The following GPC6 variants were observed in gnomAD, a reference collection of about 807,000 sequenced individuals.
The protein encoded by GPC6 is glypican 6, also known as glypican-6.
GPC6 carries 14 observed loss-of-function variants against 55.2 expected under a neutral mutation model. That is an observed-to-expected ratio of 0.25 (90% CI 0.17 to 0.40). GPC6 has a LOEUF of 0.40. Ranked by LOEUF, GPC6 falls within the 10% of genes least tolerant of loss-of-function variation. The pLI, the probability that GPC6 is intolerant of heterozygous loss-of-function variation, is 1.00. For synonymous variants in GPC6, 278 were observed against 259.6 expected, an observed-to-expected ratio of 1.07 and a Z score of -0.68; for missense variants, 641 against 708.5, an observed-to-expected ratio of 0.90 and a Z score of 1.08.
Position 93,777,010 on chromosome 13 carries a change from A to G in GPC6, c.320-53144A>G, listed in dbSNP as rs561338768. The stretch of plus-strand genomic sequence containing the variant: ...CCTTATCCATAGAGATATCTCTAAT[A>G]ATAAAGGATGGAACTTAAATCCACA... On this transcript the variant is annotated intron_variant, in intron 2 of 8. Transcript: ENST00000377047. 6.5e-4 allele frequency among the ~76,000 whole-genome samples: 99 copies of G among 152,280 alleles called. No homozygotes were observed. In the South Asian group the frequency reaches 0.02, roughly 30 times the overall value.
intron 4 of GPC6, among the ~76,000 whole-genome samples, chr13:94,282,299 G>A (rs894716859): frequency 6.6e-6 from 1 of 152,114 alleles, no homozygotes; most frequent in Non-Finnish European, 1.5e-5. Flanking sequence ...GGCAGAAGGG[G>A]AAGCAAACAT....
chr13:94,343,594 C>G (rs988717961), intron 6 of GPC6, among the ~76,000 whole-genome samples: 17 of 152,090 alleles, frequency 1.1e-4, no homozygotes, highest in African/African-American at 4.1e-4. Flanking sequence ...AAAATTAAGG[C>G]TAGGATTATT....
At chr13:94,298,844 G>C (rs1875487580) in intron 5 of GPC6, among the ~76,000 whole-genome samples, 1 of 152,194 alleles carries the variant, frequency 6.6e-6, no homozygotes, top group Non-Finnish European at 1.5e-5. Flanking sequence ...ATTTTGAAGA[G>C]ATAATTGATC....
At chr13:93,865,457 C>A (rs1423192457) in intron 3 of GPC6, among the ~76,000 whole-genome samples, 1 of 151,700 alleles carries the variant, frequency 6.6e-6, no homozygotes, top group Non-Finnish European at 1.5e-5. Context: ...AGACAGACAG[C>A]ACTTCGTTTA....
intron 3 of GPC6, among the ~76,000 whole-genome samples, chr13:94,024,968 G>C (rs1210859409): frequency 6.6e-6 from 1 of 152,182 alleles, no homozygotes; most frequent in African/African-American, 2.4e-5. Context: ...TACCTTATAT[G>C]ATGTGCATGT....
intron 2 of GPC6, among the ~76,000 whole-genome samples, chr13:93,829,883 T>G (rs1364421883): frequency 2.0e-5 from 3 of 152,200 alleles, no homozygotes; most frequent in Non-Finnish European, 4.4e-5. Context: ...CAAGAAATGA[T>G]TAAAGAATTG....
rs921182669 is a variant in GPC6 at position 93,385,270 on chromosome 13, G to C, written c.160+157654G>C. On this transcript the variant is annotated intron_variant, in intron 1 of 8. Transcript: ENST00000377047. Reference sequence around the variant, plus strand: ...GAGGCTGGAGGAGTGGACACCACTGGAGAAGGGGAAGGAGGGAAAGGAGAT... The same window carrying C: ...GAGGCTGGAGGAGTGGACACCACTGCAGAAGGGGAAGGAGGGAAAGGAGAT... 7.9e-5 allele frequency among the ~76,000 whole-genome samples: 12 copies of C among 152,222 alleles called. 1 individual carries two copies. The highest frequency in any genetic ancestry group is 7.8e-4 in the Admixed American group (12 of 15,292).
chr13:94,265,581 T>C (rs1891777531), intron 4 of GPC6, among the ~76,000 whole-genome samples: 1 of 152,080 alleles, frequency 6.6e-6, no homozygotes, highest in Non-Finnish European at 1.5e-5. Context: ...ATACTATGCA[T>C]CCTTCAACCC....
chr13:93,684,356 T>G (rs1186361125), intron 2 of GPC6, among the ~76,000 whole-genome samples: 1 of 151,996 alleles, frequency 6.6e-6, no homozygotes, highest in Non-Finnish European at 1.5e-5. Context: ...CGGCTAATTT[T>G]TCTGTATTTT....
At chr13:93,719,556 A>G (rs903153776) in intron 2 of GPC6, among the ~76,000 whole-genome samples, 3 of 151,662 alleles carry the variant, frequency 2.0e-5, no homozygotes, top group Non-Finnish European at 4.4e-5. Flanking sequence ...TCCTCTCTTC[A>G]TATTTGAACA....
chr13:93,716,333 T>G (rs1306156775), intron 2 of GPC6, among the ~76,000 whole-genome samples: 4 of 151,620 alleles, frequency 2.6e-5, no homozygotes, highest in African/African-American at 9.7e-5. Context: ...GAAGCATTAT[T>G]GTCATAGGAG....
Position 94,340,987 on chromosome 13 carries a change from A to G in GPC6, c.1152+34864A>G, listed in dbSNP as rs563611175. On this transcript the variant is annotated intron_variant, in intron 6 of 8. Transcript: ENST00000377047. ...GAAGGCAATAGGAAAGAAAGGTAAC[A>G]CTGGCATTATCTTCTATTGTTACCT... 6.9e-4 allele frequency among the ~76,000 whole-genome samples: 105 copies of G among 152,346 alleles called. 1 individual carries two copies. The highest frequency in any genetic ancestry group is 2.3e-3 in the African/African-American group (96 of 41,582).
At chr13:93,765,089 G>A (rs547077599) in intron 2 of GPC6, among the ~76,000 whole-genome samples, 10 of 152,012 alleles carry the variant, frequency 6.6e-5, no homozygotes, top group African/African-American at 1.2e-4. Flanking sequence ...GTGAGCCACC[G>A]GGCATGCCCA....
At chr13:93,634,663 A>G (rs1000718143) in intron 2 of GPC6, among the ~76,000 whole-genome samples, 1 of 152,112 alleles carries the variant, frequency 6.6e-6, no homozygotes, top group Non-Finnish European at 1.5e-5. Flanking sequence ...TTGCCATCAC[A>G]TTTGAGTTTC....
intron 1 of GPC6, among the ~76,000 whole-genome samples, chr13:93,429,929 A>G (rs899489003): frequency 6.6e-6 from 1 of 152,144 alleles, no homozygotes; most frequent in African/African-American, 2.4e-5. Flanking sequence ...CATTATCCTC[A>G]GACTTACGAT....
At chr13:93,368,331 CCCTGCTTTCCTT>C (rs1881327015) in intron 1 of GPC6, among the ~76,000 whole-genome samples, 1 of 128,980 alleles carries the variant, frequency 7.8e-6, no homozygotes. Flanking sequence ...TTCCCTCCCT[CCCTGCTTTCCTT>C]CCTTCCTTCC....
Position 93,276,495 on chromosome 13 carries a change from AGTGTGTGTGT to A in GPC6, c.160+48902_160+48911del, listed in dbSNP as rs71675979. On this transcript the variant is annotated intron_variant, in intron 1 of 8. Coordinates refer to ENST00000377047, the MANE Select transcript of GPC6 (RefSeq NM_005708.5). The stretch of plus-strand genomic sequence containing the variant: ...GAGAGAGAGAGAGAGAGAGAGAGAG[AGTGTGTGTGT>A]GTGTGTGTGTGTGTGTGTGTGTATG... Among the ~76,000 whole-genome samples, 635 of 94,360 alleles carry A rather than the reference AGTGTGTGTGT, an allele frequency of 6.7e-3. 6 individuals are homozygous for A. Among genetic ancestry groups the A allele is most frequent in the African/African-American group, 0.021 (480 of 22,346 alleles). 61.9% of individuals were successfully genotyped at this position (94,360 alleles called of 152,430 possible). A position where few individuals can be genotyped will look rare whatever the true frequency, so the allele number is the denominator to read the frequency against.
At position 93,336,254 on chromosome 13, in the gene GPC6, T is replaced by C. The variant is rs574371360; in HGVS notation, c.160+108638T>C. On this transcript the variant is annotated intron_variant, in intron 1 of 8. Transcript: ENST00000377047. ...TAAAATGTGTGGAGTAAAAAGTTTTTGCAGATAATGTGTTTGACATACCAT... is the reference window on the plus strand; with the variant it reads ...TAAAATGTGTGGAGTAAAAAGTTTTCGCAGATAATGTGTTTGACATACCAT... Among the ~76,000 whole-genome samples the C allele has an allele frequency of 1.1e-4, 17 of 152,334 alleles. No individual in the cohort carries two copies. The South Asian group carries it at 3.3e-3, about 30-fold the overall frequency.
chr13:93,221,665 T>A, the GPC6 span, among the ~76,000 whole-genome samples: 5 of 152,252 alleles, frequency 3.3e-5, no homozygotes, highest in African/African-American at 1.2e-4. Context: ...TTTCACCATT[T>A]CTGGTCATTA....
Sources: gnomAD v4.1 joint callset for allele counts (sites outside exome capture counted in the v4.1 genomes callset) on GRCh38, gnomAD v4.1.1 for gene constraint, MANE v1.5 for transcripts, NCBI Gene and HGNC (gene_info 2026-07-23, HGNC 2026-07-21) for gene names.